GPC5: variants seen among roughly 807,000 people sequenced by gnomAD.
GPC5 encodes glypican 5.
GPC5 carries 47 observed loss-of-function variants against 53.9 expected under a neutral mutation model. That is an observed-to-expected ratio of 0.87 (90% CI 0.69 to 1.11). GPC5 has a LOEUF of 1.11. GPC5 is among the 50% of genes most tolerant of loss of function. GPC5 has a pLI of 0.00. For synonymous variants in GPC5, 286 were observed against 263.3 expected, an observed-to-expected ratio of 1.09 and a Z score of -0.84; for missense variants, 748 against 713.1, an observed-to-expected ratio of 1.05 and a Z score of -0.56.
chr13:91,757,124 G>C (rs556834014), intron 5 of GPC5, among the ~76,000 whole-genome samples: 4 of 151,994 alleles, frequency 2.6e-5, no homozygotes, highest in African/African-American at 7.2e-5. Flanking sequence ...AATCTCCTGA[G>C]CTTGAGAAAG....
At chr13:91,448,980 G>C in intron 2 of GPC5, 58 bp downstream of exon 2, 1 of 1,545,218 alleles carries the variant, frequency 6.5e-7, no homozygotes. Context: ...ATTTGCCTAA[G>C]ATAGTTACGT....
chr13:91,645,250 C>A (rs538432559), intron 2 of GPC5, among the ~76,000 whole-genome samples: 2 of 152,252 alleles, frequency 1.3e-5, no homozygotes, highest in South Asian at 4.1e-4. Flanking sequence ...GTAGTGCCAT[C>A]TTTGACCTCA....
At chr13:91,629,293 T>A (rs1167707563) in intron 2 of GPC5, among the ~76,000 whole-genome samples, 1 of 152,134 alleles carries the variant, frequency 6.6e-6, no homozygotes, top group Non-Finnish European at 1.5e-5. Context: ...ACTTTCCTTG[T>A]CATAAAAGCT....
At chr13:92,666,306 G>T (rs1404643367) in intron 7 of GPC5, among the ~76,000 whole-genome samples, 1 of 152,076 alleles carries the variant, frequency 6.6e-6, no homozygotes, top group African/African-American at 2.4e-5. Context: ...TATTGTAAAT[G>T]ATACATAGCC....
chr13:91,423,051 T>A (rs980615990), intron 1 of GPC5, among the ~76,000 whole-genome samples: 6 of 152,150 alleles, frequency 3.9e-5, no homozygotes, highest in Non-Finnish European at 5.9e-5. Context: ...GTTGGATTCA[T>A]AAAGACAAAA....
chr13:92,812,937 A>G (rs1011967406), intron 7 of GPC5, among the ~76,000 whole-genome samples: 1 of 151,920 alleles, frequency 6.6e-6, no homozygotes, highest in Admixed American at 6.6e-5. Flanking sequence ...TAAATAATTT[A>G]TTTTAGATTT....
intron 7 of GPC5, among the ~76,000 whole-genome samples, chr13:92,247,584 C>T (rs1209094451): frequency 1.3e-5 from 2 of 152,068 alleles, no homozygotes; most frequent in African/African-American, 4.8e-5. Flanking sequence ...GGAACATACA[C>T]TGCCCCTTAT....
At chr13:92,105,039 AG>A (rs773352107) in intron 6 of GPC5, among the ~76,000 whole-genome samples, 1 of 152,106 alleles carries the variant, frequency 6.6e-6, no homozygotes, top group Non-Finnish European at 1.5e-5. Flanking sequence ...AAGCATCAGA[AG>A]CTTTGTTTTT....
chr13:91,824,955 GTCAT>G (rs1347965793), intron 5 of GPC5, among the ~76,000 whole-genome samples: 2 of 151,892 alleles, frequency 1.3e-5, no homozygotes, highest in Admixed American at 6.6e-5. Context: ...TGTAGATTTG[GTCAT>G]TCATATAAAG....
At chr13:91,751,400 T>A (rs2037173543) in intron 4 of GPC5, among the ~76,000 whole-genome samples, 1 of 152,198 alleles carries the variant, frequency 6.6e-6, no homozygotes, top group Non-Finnish European at 1.5e-5. Flanking sequence ...ATACCATTGG[T>A]TGAGAACAAT....
At chr13:91,643,232 G>A (rs2034476885) in intron 2 of GPC5, among the ~76,000 whole-genome samples, 2 of 151,658 alleles carry the variant, frequency 1.3e-5, no homozygotes, top group Non-Finnish European at 2.9e-5. Flanking sequence ...GGTGAACAGA[G>A]TGTAGATTGG....
At chr13:91,799,981 T>G (rs1449282545) in intron 5 of GPC5, among the ~76,000 whole-genome samples, 1 of 152,112 alleles carries the variant, frequency 6.6e-6, no homozygotes, top group Non-Finnish European at 1.5e-5. Flanking sequence ...TCATTAGTAT[T>G]AAAATGAAAG....
intron 6 of GPC5, among the ~76,000 whole-genome samples, chr13:91,908,455 G>A (rs936666412): frequency 1.3e-5 from 2 of 151,962 alleles, no homozygotes; most frequent in African/African-American, 4.8e-5. Context: ...AGGTTTTGCA[G>A]CATTTCAATA....
chr13:91,435,500 G>T (rs527819372), intron 1 of GPC5, among the ~76,000 whole-genome samples: 1 of 152,118 alleles, frequency 6.6e-6, no homozygotes, highest in East Asian at 1.9e-4. Flanking sequence ...ATTGATTTGC[G>T]TATGTTGAAC....
At chr13:91,579,225 G>C (rs1281210310) in intron 2 of GPC5, among the ~76,000 whole-genome samples, 1 of 152,148 alleles carries the variant, frequency 6.6e-6, no homozygotes, top group African/African-American at 2.4e-5. Context: ...GGAGGTCAGG[G>C]CATTACATAT....
intron 7 of GPC5, among the ~76,000 whole-genome samples, chr13:92,252,455 GA>G (rs1007108244): frequency 2.6e-5 from 4 of 151,850 alleles, no homozygotes; most frequent in African/African-American, 7.3e-5. Flanking sequence ...TATGAAACTA[GA>G]AAAAAATACT....
intron 7 of GPC5, among the ~76,000 whole-genome samples, chr13:92,249,720 T>G (rs1326860851): frequency 8.6e-5 from 13 of 151,890 alleles, no homozygotes; most frequent in Admixed American, 8.5e-4. Context: ...GAGTAGAGAA[T>G]GCAGAGCGGA....
intron 2 of GPC5, among the ~76,000 whole-genome samples, chr13:91,667,692 C>T (rs2035149295): frequency 1.3e-5 from 2 of 152,158 alleles, no homozygotes; most frequent in South Asian, 4.1e-4. Flanking sequence ...GATTCCTGCT[C>T]AGTCAGGTCC....
At chr13:91,726,290 A>G (rs1181233409) in intron 3 of GPC5, among the ~76,000 whole-genome samples, 6 of 152,106 alleles carry the variant, frequency 3.9e-5, no homozygotes, top group Middle Eastern at 3.2e-3. Flanking sequence ...TTCAAAATTA[A>G]GATTTCTTAT....
Sources: gnomAD v4.1 joint callset for allele counts (sites outside exome capture counted in the v4.1 genomes callset) on GRCh38, gnomAD v4.1.1 for gene constraint, MANE v1.5 for transcripts, NCBI Gene and HGNC (gene_info 2026-07-23, HGNC 2026-07-21) for gene names.